The following KLHL36 variants were observed in gnomAD, a reference collection of about 807,000 sequenced individuals.
KLHL36 encodes kelch like family member 36, also known as kelch-like protein 36.
KLHL36 carries 35 observed loss-of-function variants against 53.3 expected under a neutral mutation model. The ratio of observed to expected loss-of-function variants is 0.66; its 90% CI spans 0.50 to 0.87. The LOEUF is 0.87. Ranked by LOEUF, KLHL36 falls within the 40% of genes least tolerant of loss-of-function variation. The pLI is 0.00. For synonymous variants in KLHL36, 472 were observed against 398.9 expected (o/e 1.18, Z -2.18); for missense variants, 864 against 897.6 (o/e 0.96, Z 0.48).
intron 1 of KLHL36, among the ~76,000 whole-genome samples, chr16:84,649,664 CT>C (rs775037601): frequency 4.6e-5 from 7 of 152,256 alleles, no homozygotes; most frequent in Non-Finnish European, 8.8e-5. Flanking sequence ...GTTGCCCCTT[CT>C]CTCCCTAGGG....
At chr16:84,656,364 G>A (rs1005583973) in intron 2 of KLHL36, among the ~76,000 whole-genome samples, 3 of 150,540 alleles carry the variant, frequency 2.0e-5, no homozygotes, top group Admixed American at 2.0e-4. Flanking sequence ...CCATCTCCTG[G>A]GTTCAAGCAA....
chr16:84,649,650 T>A (rs1790185699), intron 1 of KLHL36, among the ~76,000 whole-genome samples: 1 of 152,230 alleles, frequency 6.6e-6, no homozygotes, highest in Admixed American at 6.5e-5. Context: ...TCGAGAGGAA[T>A]CCAGTTGCCC....
chr16:84,655,995 C>T (rs150757672), intron 2 of KLHL36, among the ~76,000 whole-genome samples: 12 of 152,008 alleles, frequency 7.9e-5, no homozygotes, highest in Non-Finnish European at 1.6e-4. Context: ...TGGGCTTGAG[C>T]GATCCTCCTG....
chr16:84,651,007 T>A (rs1906842751), intron 2 of KLHL36, 77 bp downstream of exon 2: 1 of 1,243,136 alleles, frequency 8.0e-7, no homozygotes, highest in Non-Finnish European at 1.1e-6. Flanking sequence ...TCATTTCTAA[T>A]CACAGACTGA....
Position 84,667,179 on chromosome 16 carries a change from T to G in KLHL36, c.*5046T>G, listed in dbSNP as rs1358018138. ...GCGGATAACCCCTTCCTTGTCTGTTTCCTTTGAGAAAGGACACTCCACCTT... is the reference window on the plus strand; with the variant it reads ...GCGGATAACCCCTTCCTTGTCTGTTGCCTTTGAGAAAGGACACTCCACCTT... On this transcript the variant is annotated 3_prime_UTR_variant, in exon 5 of 5. Coordinates refer to ENST00000564996, the MANE Select transcript of KLHL36 (RefSeq NM_024731.4). 6.6e-6 allele frequency: 1 copy of G among 152,210 alleles called. No individual in the cohort carries two copies. Among genetic ancestry groups the G allele is most frequent in the Non-Finnish European group, 1.5e-5 (1 of 68,032 alleles). 9.4% of individuals were successfully genotyped at this position (152,210 alleles called of 1,614,324 possible). A position where few individuals can be genotyped will look rare whatever the true frequency, so the allele number is the denominator to read the frequency against.
rs374631476 is a variant in KLHL36 at position 84,657,815 on chromosome 16, C to T, written c.1008C>T (p.Ser336=). The T allele has an allele frequency of 1.9e-5, 30 of 1,606,472 alleles. No homozygotes were observed. The highest frequency in any genetic ancestry group is 2.6e-5 in the Non-Finnish European group (30 of 1,175,158). ...VKETPLPARR[S]HHCVAVLGGF... ...AGACGCCGCTGCCCGCCCGGCGGAG[C>T]CACCACTGTGTCGCGGTGCTGGGGG... The change falls in exon 3 of 5, where the codon AGC becomes AGT. Residue 336 remains serine, a synonymous_variant. Transcript: ENST00000564996.
chr16:84,662,842 G>A lies in KLHL36; in HGVS notation c.*709G>A, dbSNP rs1235962333. The A allele has an allele frequency of 8.8e-5, 13 of 148,320 alleles. No individual in the cohort carries two copies. Among genetic ancestry groups the A allele is most frequent in the Admixed American group, 7.8e-4 (11 of 14,116 alleles). The allele number at this position is 148,320 out of a possible 1,614,324, so 9.2% of individuals were successfully genotyped here. A position where few individuals can be genotyped will look rare whatever the true frequency, so the allele number is the denominator to read the frequency against. On this transcript the variant is annotated 3_prime_UTR_variant, in exon 5 of 5. Transcript: ENST00000564996. ...GTGAACGCTGTTTCTGAATAATTCC[G>A]TCTTTCCTCATTGGAAACCTTCTTG...
Position 84,661,794 on chromosome 16 carries a change from C to A in KLHL36, c.1512C>A (p.Asn504Lys). 1.9e-6 allele frequency: 3 copies of A among 1,612,184 alleles called. No homozygotes were observed. The highest frequency in any genetic ancestry group is 2.5e-6 in the Non-Finnish European group (3 of 1,178,764). The change falls in exon 5 of 5, where the codon AAC becomes AAA. Residue 504 changes from asparagine (N) to lysine (K), a missense_variant. Asn to Lys is a moderately conservative substitution (Grantham distance 94, BLOSUM62 0). Coordinates refer to ENST00000564996, the MANE Select transcript of KLHL36 (RefSeq NM_024731.4). The surrounding 1 kb of genome is among the most constrained non-coding windows in gnomAD (Gnocchi z 7.9). ...ACTCCATCGGGGGCAGCGATGACAA[C>A]ATCGAGTCCATGGAGCGCTTCGACG... ...SIYSIGGSDDNIESMERFDVL... is the reference protein window; with the variant it reads ...SIYSIGGSDDKIESMERFDVL...
chr16:84,649,439 C>G (rs928937168), intron 1 of KLHL36: 1 of 152,196 alleles, frequency 6.6e-6, no homozygotes, highest in Non-Finnish European at 1.5e-5. Flanking sequence ...CCTTGGGCAA[C>G]CCCCCCTGGG....
chr16:84,651,649 A>C (rs768030868), intron 2 of KLHL36, among the ~76,000 whole-genome samples: 2 of 152,112 alleles, frequency 1.3e-5, no homozygotes, highest in Admixed American at 6.5e-5. Flanking sequence ...TTGGAGATTA[A>C]ATCTTATGGT....
intron 2 of KLHL36, among the ~76,000 whole-genome samples, chr16:84,656,038 G>T (rs111331919): frequency 6.7e-6 from 1 of 150,220 alleles, no homozygotes; most frequent in African/African-American, 2.4e-5. Context: ...GACTACAGGC[G>T]AATGCCACCA....
chr16:84,658,116 G>A, intron 3 of KLHL36, 172 bp downstream of exon 3: 1 of 559,456 alleles, frequency 1.8e-6, no homozygotes, highest in Non-Finnish European at 3.0e-6. Flanking sequence ...TGGACAGGGA[G>A]AGGGAGAGCC....
At chr16:84,650,959 C>G (rs755646790) in intron 2 of KLHL36, 29 bp downstream of exon 2, 3 of 1,558,666 alleles carry the variant, frequency 1.9e-6, no homozygotes, top group Admixed American at 3.9e-5. Flanking sequence ...ACCACCTATG[C>G]AAATTGCCTA....
intron 2 of KLHL36, among the ~76,000 whole-genome samples, chr16:84,652,019 T>C (rs1373352701): frequency 2.0e-5 from 3 of 152,208 alleles, no homozygotes; most frequent in African/African-American, 7.2e-5. Context: ...TCTTGAGATA[T>C]GACCTCCTGT....
Position 84,657,257 on chromosome 16 carries a change from C to T in KLHL36, c.450C>T (p.Tyr150=), listed in dbSNP as rs746672294. Residue 150 remains tyrosine (Y), a synonymous_variant, in exon 3 of 5, where the codon TAC becomes TAT. Transcript: ENST00000564996. The stretch of plus-strand genomic sequence containing the variant: ...AGGTGAGCGAGGACAACTACCTGTA[C>T]CTGCAGGAGCTGGCCTCCATCTACA... ...EQEVSEDNYL[Y]LQELASIYSL... The T allele has an allele frequency of 2.5e-6, 4 of 1,614,048 alleles. No homozygotes were observed. Among genetic ancestry groups the T allele is most frequent in the Non-Finnish European group, 3.4e-6 (4 of 1,180,044 alleles).
chr16:84,658,657 C>G (rs1023397758), intron 3 of KLHL36: 2 of 152,242 alleles, frequency 1.3e-5, no homozygotes, highest in African/African-American at 4.8e-5. Flanking sequence ...AGTGCAGTAG[C>G]TCATGTTGAC....
At chr16:84,659,540 A>G (rs1239794397) in intron 3 of KLHL36, 2 of 529,950 alleles carry the variant, frequency 3.8e-6, no homozygotes, top group Non-Finnish European at 6.7e-6. Flanking sequence ...GGGGACTCAG[A>G]GCGTCTCCAT....
Position 84,657,894 on chromosome 16 carries a change from G to C in KLHL36, c.1087G>C (p.Ala363Pro). The C allele has an allele frequency of 6.4e-7, 1 of 1,557,858 alleles. No homozygotes were observed. The change falls in exon 3 of 5, where the codon GCC becomes CCC. Residue 363 changes from alanine (A) to proline (P), a missense_variant. By Grantham distance (27) the Ala-to-Pro change is conservative. Coordinates refer to ENST00000564996, the MANE Select transcript of KLHL36 (RefSeq NM_024731.4). ...SFSRDNGGDA[A>P]SNLLYRYDPR... ...CTCACGGGACAACGGAGGGGATGCG[G>C]CCTCCAATCTTCTTTATAGGTATGA... is the stretch of plus-strand genomic sequence containing the variant.
chr16:84,661,937 G>C lies in KLHL36; in HGVS notation c.1655G>C (p.Gly552Ala), dbSNP rs1484757108. ...AVWEGRIYILGGYSWENTAFS... is the reference protein window; with the variant it reads ...AVWEGRIYILAGYSWENTAFS... ...TGGGAGGGCCGCATCTACATCCTGGGCGGCTACAGCTGGGAGAACACTGCC... is the reference window on the plus strand; with the variant it reads ...TGGGAGGGCCGCATCTACATCCTGGCCGGCTACAGCTGGGAGAACACTGCC... The change falls in exon 5 of 5, where the codon GGC becomes GCC. Residue 552 changes from glycine (G) to alanine (A), a missense_variant. Transcript: ENST00000564996. The surrounding 1 kb of genome is among the most constrained non-coding windows in gnomAD (Gnocchi z 7.9). 6.2e-7 allele frequency: 1 copy of C among 1,601,280 alleles called. No homozygotes were observed. The highest frequency in any genetic ancestry group is 1.7e-5 in the Admixed American group (1 of 57,620).
Sources: gnomAD v4.1 joint callset for allele counts (sites outside exome capture counted in the v4.1 genomes callset) on GRCh38, gnomAD v4.1.1 for gene constraint, Gnocchi (gnomAD v3.1) non-coding constraint, MANE v1.5 for transcripts, NCBI Gene and HGNC (gene_info 2026-07-23, HGNC 2026-07-21) for gene names.